The following DNAH1 variants were observed in gnomAD, a reference collection of about 807,000 sequenced individuals.
DNAH1 encodes the protein dynein axonemal heavy chain 1.
In DNAH1, 327 loss-of-function variants were observed where a neutral mutation model predicts 484.3. That is an observed-to-expected ratio of 0.68 (90% CI 0.62 to 0.74). The LOEUF (loss-of-function observed/expected upper bound fraction) is 0.74. DNAH1 is among the 30% of genes least tolerant of loss of function. The pLI is 0.00. For missense variants in DNAH1, 5,052 were observed against 5,546.8 expected (o/e 0.91, Z 2.83); for synonymous variants, 2,192 against 2,191.9 (o/e 1.00, Z 0.00).
Position 52,381,573 on chromosome 3 carries a change from G to C in DNAH1, c.7609-67G>C, listed in dbSNP as rs922853412. ...AGGACAGAGAAGAAAGCGGGTGGGTGGGGGGAATCGGGGAGACCCTACAGT... is the reference window on the plus strand; with the variant it reads ...AGGACAGAGAAGAAAGCGGGTGGGTCGGGGGAATCGGGGAGACCCTACAGT... On this transcript the variant is annotated intron_variant, in intron 48 of 77. Coordinates refer to ENST00000420323, the MANE Select transcript of DNAH1 (RefSeq NM_015512.5). This position sits in a 1 kb window ranked among gnomAD's most constrained non-coding sequence, Gnocchi z 4.1. The C allele has an allele frequency of 7.0e-7, 1 of 1,431,374 alleles. No individual in the cohort carries two copies. Among genetic ancestry groups the C allele is most frequent in the Non-Finnish European group, 9.5e-7 (1 of 1,056,166 alleles). 88.7% of individuals were successfully genotyped at this position (1,431,374 alleles called of 1,614,324 possible).
At position 52,379,410 on chromosome 3, in the gene DNAH1, C is replaced by T. The variant is rs935854265; in HGVS notation, c.7378-495C>T. 6.6e-6 allele frequency among the ~76,000 whole-genome samples: 1 copy of T among 152,084 alleles called. No individual in the cohort carries two copies. The highest frequency in any genetic ancestry group is 2.4e-5 in the African/African-American group (1 of 41,396). Reference sequence around the variant, plus strand: ...TGGGAGCTTCCGGAGGGCAGTCCTGCCACCCAGGGAGATGCAGGGAAGCTG... The same window carrying T: ...TGGGAGCTTCCGGAGGGCAGTCCTGTCACCCAGGGAGATGCAGGGAAGCTG... On this transcript the variant is annotated intron_variant, in intron 47 of 77. Transcript: ENST00000420323. The surrounding 1 kb of genome is among the most constrained non-coding windows in gnomAD (Gnocchi z 4.4).
chr3:52,357,242 C>T (rs879642936), intron 22 of DNAH1, among the ~76,000 whole-genome samples: 2 of 151,958 alleles, frequency 1.3e-5, no homozygotes, highest in Non-Finnish European at 2.9e-5. Context: ...TTAGTGGAGC[C>T]GGGATTTCAC....
chr3:52,398,743 C>G (rs893955942), intron 75 of DNAH1, 107 bp from the exon 76 acceptor site: 1 of 982,494 alleles, frequency 1.0e-6, no homozygotes, highest in African/African-American at 1.6e-5. Context: ...TGCTCTTAGC[C>G]TCTATGTTTT....
At chr3:52,398,238 G>A (rs1217417199) in intron 75 of DNAH1, 76 bp downstream of exon 75, 11 of 1,502,064 alleles carry the variant, frequency 7.3e-6, no homozygotes, top group Non-Finnish European at 8.9e-6. Context: ...GGGTTACTAT[G>A]GGCCAGGTGC....
chr3:52,400,235 G>T, intron 77 of DNAH1, 90 bp from the exon 78 acceptor site: 6 of 1,558,194 alleles, frequency 3.9e-6, no homozygotes, highest in Non-Finnish European at 5.2e-6. Context: ...CCTGTCCTCA[G>T]CTTAGTCTGC....
At chr3:52,348,724 G>A (rs1226457981) in intron 12 of DNAH1, among the ~76,000 whole-genome samples, 164 bp from the exon 13 acceptor site, 3 of 152,114 alleles carry the variant, frequency 2.0e-5, no homozygotes, top group Non-Finnish European at 2.9e-5. Context: ...CCCTTCTCCC[G>A]CTGCATCCCT....
chr3:52,395,763 CCAAG>C lies in DNAH1; in HGVS notation c.11259+88_11259+91del. 6.5e-7 allele frequency: 1 copy of C among 1,527,016 alleles called. No individual in the cohort carries two copies. The highest frequency in any genetic ancestry group is 8.9e-7 in the Non-Finnish European group (1 of 1,128,786). The allele number at this position is 1,527,016 out of a possible 1,614,324, so 94.6% of individuals were successfully genotyped here. ...ATGAGGCAGAAATAAGAGAATCATG[CCAAG>C]CACTCTGCCCAGCCTCTAGCACGTG... is the stretch of plus-strand genomic sequence containing the variant. On this transcript the variant is annotated intron_variant, in intron 70 of 77. Transcript: ENST00000420323. The surrounding 1 kb of genome is among the most constrained non-coding windows in gnomAD (Gnocchi z 4.4).
intron 14 of DNAH1, 140 bp from the exon 15 acceptor site, chr3:52,349,849 C>T: frequency 7.7e-7 from 1 of 1,297,938 alleles, no homozygotes. Context: ...AGGAGCACCC[C>T]TCTTGGAAAG....
rs1465756055 is a variant in DNAH1, at chr3:52,347,820, G to A, written c.1956-4G>A. 3 of 1,574,810 alleles carry A rather than the reference G, an allele frequency of 1.9e-6. No individual in the cohort carries two copies. Among genetic ancestry groups the A allele is most frequent in the African/African-American group, 1.3e-5 (1 of 74,152 alleles). On this transcript the variant is annotated splice_polypyrimidine_tract_variant and splice_region_variant and intron_variant, in intron 11 of 77. Transcript: ENST00000420323. ...GCCCACAGTCAGCTCGCCATTGCCT[G>A]CAGGCCCCGGAAGAATCCCCTGTTC...
chr3:52,326,310 G>A lies in DNAH1; in HGVS notation c.577G>A (p.Glu193Lys), dbSNP rs757070489. 3.0e-4 allele frequency: 480 copies of A among 1,605,024 alleles called. No individual in the cohort carries two copies. Among genetic ancestry groups the A allele is most frequent in the Non-Finnish European group, 4.0e-4 (468 of 1,179,528 alleles). ...PGQHPRKIEI[E>K]RRKQQYLSLD... is the part of the protein sequence containing the mutation. ...CCAGCATCCTCGCAAGATTGAGATC[G>A]AGAGGTACGGCTGGGTGGGCTGTGG... The change falls in exon 4 of 78, where the codon GAG becomes AAG. Residue 193 changes from glutamate to lysine, a missense_variant. Physicochemically the swap from Glu to Lys is moderately conservative, Grantham distance 56 (BLOSUM62 1). This residue lies in a region of DNAH1 where 1,263 missense variants were observed against 1,218.8 expected (regional missense o/e 1.04). Transcript: ENST00000420323.
chr3:52,371,206 C>A lies in DNAH1; in HGVS notation c.6525+381C>A, dbSNP rs572718795. 1.9e-4 allele frequency among the ~76,000 whole-genome samples: 29 copies of A among 152,354 alleles called. No homozygotes were observed. In the South Asian group the frequency reaches 6.0e-3, roughly 32 times the overall value. On this transcript the variant is annotated intron_variant, in intron 41 of 77. Coordinates refer to ENST00000420323, the MANE Select transcript of DNAH1 (RefSeq NM_015512.5). ...AGGGCTGGGGGGCAAGCTCTTGAAG[C>A]CTGCTTCAGTGTCCTCATCGCTACT...
In DNAH1 at chr3:52,358,585, A is replaced by G. The variant is rs771831560; in HGVS notation, c.4114A>G (p.Thr1372Ala). The part of the protein sequence containing the change: ...RLLFQEDLEI[T>A]HMYSAEGEEV... ...GCTATTCCAGGAGGACCTGGAGATC[A>G]CGCACATGTACTCAGCCGAGGGGGA... Residue 1372 changes from threonine to alanine, a missense_variant, in exon 25 of 78, where the codon ACG (threonine) becomes GCG (alanine). Coordinates refer to ENST00000420323, the MANE Select transcript of DNAH1 (RefSeq NM_015512.5). The surrounding 1 kb of genome is among the most constrained non-coding windows in gnomAD (Gnocchi z 4.2). 6.2e-7 allele frequency: 1 copy of G among 1,611,936 alleles called. No homozygotes were observed. The highest frequency in any genetic ancestry group is 8.5e-7 in the Non-Finnish European group (1 of 1,179,256).
chr3:52,342,141 G>C (rs28477207), intron 8 of DNAH1, among the ~76,000 whole-genome samples: 2,551 of 152,348 alleles, frequency 0.017, 70 homozygotes, highest in African/African-American at 0.058. Context: ...GGCAGAAGGA[G>C]CAGCAGTGCA....
chr3:52,382,330 G>A lies in DNAH1; in HGVS notation c.7816G>A (p.Glu2606Lys), dbSNP rs751973219. Reference sequence around the variant, plus strand: ...AACTTCTGCCTCCAGGGCCGAGTACGAGTGCTTCCAGATTGAACTATCCAA... The same window carrying A: ...AACTTCTGCCTCCAGGGCCGAGTACAAGTGCTTCCAGATTGAACTATCCAA... ...TRLASHMAEY[E>K]CFQIELSKNY... The change falls in exon 50 of 78, where the codon GAG becomes AAG. Residue 2606 changes from glutamate (E) to lysine (K), a missense_variant. By Grantham distance (56) the Glu-to-Lys change is moderately conservative. Coordinates refer to ENST00000420323, the MANE Select transcript of DNAH1 (RefSeq NM_015512.5). 8 of 1,613,848 alleles carry A rather than the reference G, an allele frequency of 5.0e-6. No individual in the cohort carries two copies. The highest frequency in any genetic ancestry group is 3.3e-5 in the South Asian group (3 of 91,068).
intron 34 of DNAH1, 66 bp from the exon 35 acceptor site, chr3:52,366,391 A>G (rs1230436855): frequency 1.3e-5 from 18 of 1,345,948 alleles, no homozygotes; most frequent in Non-Finnish European, 1.9e-5. Context: ...AGGTCACACA[A>G]GTTAGTGGTG....
In DNAH1 at chr3:52,361,739, C is replaced by T. The variant is rs751312375; in HGVS notation, c.4953C>T (p.Thr1651=). 6.2e-6 allele frequency: 10 copies of T among 1,610,150 alleles called. No homozygotes were observed. Among genetic ancestry groups the T allele is most frequent in the Admixed American group, 5.0e-5 (3 of 59,546 alleles). ...EVLSVVAQQI[T]TIQKAQQQRV... ...TGTCTGTGGTGGCGCAGCAGATCACCACCATCCAGAAGGCGCAGCAGCAGC... is the reference window on the plus strand; with the variant it reads ...TGTCTGTGGTGGCGCAGCAGATCACTACCATCCAGAAGGCGCAGCAGCAGC... Residue 1651 remains threonine (T), a synonymous_variant, in exon 30 of 78, where the codon ACC becomes ACT. Coordinates refer to ENST00000420323, the MANE Select transcript of DNAH1 (RefSeq NM_015512.5). The surrounding 1 kb of genome is among the most constrained non-coding windows in gnomAD (Gnocchi z 5.6).
chr3:52,373,649 A>G, intron 44 of DNAH1: 1 of 1,412,730 alleles, frequency 7.1e-7, no homozygotes, highest in Non-Finnish European at 1.0e-6. Flanking sequence ...TACCATCCTT[A>G]AAAGATGTTC....
chr3:52,388,657 A>C (rs550008639), intron 58 of DNAH1, 48 bp downstream of exon 58: 6 of 1,610,750 alleles, frequency 3.7e-6, no homozygotes, highest in Non-Finnish European at 4.2e-6. Context: ...CGGCCCAGAC[A>C]GGGGCCAGAA....
At position 52,360,339 on chromosome 3, in the gene DNAH1, A is replaced by T; in HGVS notation, c.4600A>T (p.Ile1534Phe). The T allele has an allele frequency of 6.2e-7, 1 of 1,613,922 alleles. No individual in the cohort carries two copies. The highest frequency in any genetic ancestry group is 1.1e-5 in the South Asian group (1 of 91,084). ...CTACTGGACAAATAATGACCTGTAT[A>T]TCCGTGCTGTGAATGCTGAGTTCAT... Reference protein sequence around the residue: ...RYYWTNNDLYIRAVNAEFIYG... With the variant: ...RYYWTNNDLYFRAVNAEFIYG... The change falls in exon 28 of 78, where the codon ATC becomes TTC. Residue 1534 changes from isoleucine (I) to phenylalanine (F), a missense_variant. Physicochemically the swap from Ile to Phe is conservative, Grantham distance 21 (BLOSUM62 0). Around this residue, in one of 4 missense-constraint regions of DNAH1, gnomAD observed 2,929 missense variants for 3,409.4 expected, o/e 0.86. Transcript: ENST00000420323.
Sources: gnomAD v4.1 joint callset for allele counts (sites outside exome capture counted in the v4.1 genomes callset) on GRCh38, gnomAD v4.1.1 for gene constraint, gnomAD v4.1.1 regional missense constraint, Gnocchi (gnomAD v3.1) non-coding constraint, MANE v1.5 for transcripts, NCBI Gene and HGNC (gene_info 2026-07-23, HGNC 2026-07-21) for gene names.